PTPRD: variants seen among roughly 807,000 people sequenced by gnomAD.
PTPRD encodes receptor-type tyrosine-protein phosphatase delta.
PTPRD carries 34 observed loss-of-function variants against 214.5 expected under a neutral mutation model. That is an observed-to-expected ratio of 0.16 (90% CI 0.12 to 0.21). The LOEUF (loss-of-function observed/expected upper bound fraction) is 0.21. Ranked by LOEUF, PTPRD falls within the 10% of genes least tolerant of loss-of-function variation. The pLI is 1.00. For synonymous variants in PTPRD, 1,128 were observed against 845.7 expected (o/e 1.33, Z -5.79); for missense variants, 2,545 against 2,398.7 (o/e 1.06, Z -1.27).
intron 7 of PTPRD, among the ~76,000 whole-genome samples, chr9:9,633,698 T>G (rs12380731): frequency 0.2 from 29,904 of 152,048 alleles, 3,572 homozygotes; most frequent in African/African-American, 0.34. Context: ...TCCCATATAT[T>G]TATAGTTATA....
chr9:10,603,028 G>C lies in PTPRD; in HGVS notation c.-600+9370C>G, dbSNP rs141126742. 1.1e-3 allele frequency among the ~76,000 whole-genome samples: 163 copies of C among 151,780 alleles called. 1 individual carries two copies. Among genetic ancestry groups the C allele is most frequent in the African/African-American group, 3.6e-3 (151 of 41,428 alleles). On this transcript the variant is annotated intron_variant, in intron 2 of 45. Transcript: ENST00000381196. ...TTCAAAAATTGTGGCTTTTGGTCAT[G>C]GATTATCAAGTACAACAAGGTGTTT... is the stretch of plus-strand genomic sequence containing the variant.
intron 14 of PTPRD, among the ~76,000 whole-genome samples, chr9:8,579,511 T>A (rs935982683): frequency 6.6e-6 from 1 of 152,210 alleles, no homozygotes; most frequent in African/African-American, 2.4e-5. Context: ...CACCTGCTCA[T>A]GCCAAGCATT....
intron 3 of PTPRD, among the ~76,000 whole-genome samples, chr9:10,039,011 T>C (rs749266980): frequency 3.2e-4 from 48 of 152,154 alleles, no homozygotes; most frequent in Non-Finnish European, 5.9e-4. Flanking sequence ...CAAAAATGTA[T>C]GACTATGAAA....
intron 3 of PTPRD, among the ~76,000 whole-genome samples, chr9:10,208,265 A>T (rs1298874948): frequency 6.6e-6 from 1 of 152,262 alleles, no homozygotes. Context: ...CCGTAATCCC[A>T]GCACTTTGGG....
intron 11 of PTPRD, among the ~76,000 whole-genome samples, chr9:8,842,765 T>C (rs1424793466): frequency 6.6e-6 from 1 of 152,198 alleles, no homozygotes; most frequent in Non-Finnish European, 1.5e-5. Context: ...TGGCCTGATC[T>C]GTGACAAAAT....
intron 4 of PTPRD, among the ~76,000 whole-genome samples, chr9:9,976,006 G>C (rs1208823793): frequency 1.3e-5 from 2 of 152,156 alleles, no homozygotes; most frequent in Non-Finnish European, 1.5e-5. Context: ...GCTTTGGATA[G>C]CTGGAGTAAA....
At chr9:9,716,226 G>A (rs1351727623) in intron 7 of PTPRD, among the ~76,000 whole-genome samples, 1 of 152,100 alleles carries the variant, frequency 6.6e-6, no homozygotes, top group Non-Finnish European at 1.5e-5. Flanking sequence ...GTGTATATGT[G>A]CCACATTTTT....
intron 11 of PTPRD, among the ~76,000 whole-genome samples, chr9:8,853,880 A>C (rs2097863200): frequency 6.6e-6 from 1 of 152,220 alleles, no homozygotes; most frequent in Non-Finnish European, 1.5e-5. Flanking sequence ...GAACAGTAGA[A>C]AGATGAAATA....
In PTPRD at chr9:9,393,383, G is replaced by A. The variant is rs182235285; in HGVS notation, c.-203+4066C>T. Among the ~76,000 whole-genome samples the A allele has an allele frequency of 9.9e-5, 15 of 152,218 alleles. No individual in the cohort carries two copies. In the East Asian group the frequency reaches 2.1e-3, roughly 22 times the overall value. ...CTTGGAGCTGAGCTGCATGCTATGC[G>A]AAAAACCATGCTAGTCTGCTATATG... On this transcript the variant is annotated intron_variant, in intron 9 of 45. Coordinates refer to ENST00000381196, the MANE Select transcript of PTPRD (RefSeq NM_002839.4).
chr9:8,849,104 G>A (rs1012192556), intron 11 of PTPRD, among the ~76,000 whole-genome samples: 1 of 151,432 alleles, frequency 6.6e-6, no homozygotes, highest in Admixed American at 6.6e-5. Context: ...TGAGCATTGT[G>A]AGAGGTTTCT....
At chr9:9,267,521 G>C (rs1396813845) in intron 9 of PTPRD, among the ~76,000 whole-genome samples, 1 of 151,028 alleles carries the variant, frequency 6.6e-6, no homozygotes, top group Non-Finnish European at 1.5e-5. Context: ...AGAAATTGAA[G>C]GAAACACTCA....
chr9:9,992,427 T>C (rs1403423920), intron 4 of PTPRD, among the ~76,000 whole-genome samples: 1 of 152,196 alleles, frequency 6.6e-6, no homozygotes, highest in East Asian at 1.9e-4. Flanking sequence ...AAATTCCATT[T>C]GACCCAGCCA....
At chr9:9,840,384 GT>G (rs1204842025) in intron 5 of PTPRD, among the ~76,000 whole-genome samples, 1 of 150,528 alleles carries the variant, frequency 6.6e-6, no homozygotes, top group African/African-American at 2.4e-5. Context: ...AATAGACTTT[GT>G]TTTTTTCCAG....
intron 10 of PTPRD, among the ~76,000 whole-genome samples, chr9:9,042,921 G>A (rs1365288477): frequency 6.6e-6 from 1 of 152,126 alleles, no homozygotes; most frequent in Non-Finnish European, 1.5e-5. Flanking sequence ...AGTAGTGTAA[G>A]TTGGGTATCC....
intron 2 of PTPRD, among the ~76,000 whole-genome samples, chr9:10,400,365 T>C (rs1350149439): frequency 1.3e-5 from 2 of 151,824 alleles, no homozygotes; most frequent in Non-Finnish European, 2.9e-5. Flanking sequence ...TCAAGACAAG[T>C]ACTTTAAATT....
intron 3 of PTPRD, among the ~76,000 whole-genome samples, chr9:10,143,995 T>A (rs935507825): frequency 2.0e-5 from 3 of 152,068 alleles, no homozygotes; most frequent in African/African-American, 7.2e-5. Flanking sequence ...ACTCCAAGCC[T>A]CAGCATCATT....
chr9:10,015,721 G>A (rs1162156713), intron 4 of PTPRD, among the ~76,000 whole-genome samples: 1 of 152,140 alleles, frequency 6.6e-6, no homozygotes. Context: ...AGAAAGAAGA[G>A]AAAGAGGTGG....
intron 10 of PTPRD, among the ~76,000 whole-genome samples, chr9:9,115,279 G>A (rs753175075): frequency 2.1e-4 from 32 of 151,978 alleles, no homozygotes; most frequent in Non-Finnish European, 4.1e-4. Context: ...TTTTACTTAC[G>A]TTTTGAAAAT....
chr9:8,592,280 A>G (rs2094163956), intron 14 of PTPRD, among the ~76,000 whole-genome samples: 1 of 152,000 alleles, frequency 6.6e-6, no homozygotes, highest in Non-Finnish European at 1.5e-5. Flanking sequence ...AATTCAACCC[A>G]CTCACACAAA....
Sources: gnomAD v4.1 joint callset for allele counts (sites outside exome capture counted in the v4.1 genomes callset) on GRCh38, gnomAD v4.1.1 for gene constraint, MANE v1.5 for transcripts, NCBI Gene and HGNC (gene_info 2026-07-23, HGNC 2026-07-21) for gene names.